The following ADK variants were observed in gnomAD, a reference collection of about 807,000 sequenced individuals.
ADK encodes adenosine kinase.
A neutral mutation model predicts 44.7 loss-of-function variants in ADK; 24 were observed. The ratio of observed to expected loss-of-function variants is 0.54; its 90% CI spans 0.39 to 0.76. The LOEUF (loss-of-function observed/expected upper bound fraction) is 0.76. Ranked by LOEUF, ADK falls within the 30% of genes least tolerant of loss-of-function variation. The pLI is 0.00. For synonymous variants in ADK, 128 were observed against 142.6 expected (o/e 0.90, Z 0.73); for missense variants, 321 against 425.1 (o/e 0.76, Z 2.15).
intron 7 of ADK, chr10:74,528,017 A>C: frequency 1.2e-6 from 1 of 847,082 alleles, no homozygotes; most frequent in South Asian, 1.4e-5. Context: ...CGATTGAGGG[A>C]ATTTGTATTC....
chr10:74,561,981 C>G (rs1165615837), intron 7 of ADK, among the ~76,000 whole-genome samples: 1 of 152,216 alleles, frequency 6.6e-6, no homozygotes, highest in African/African-American at 2.4e-5. Context: ...AGATTGTATT[C>G]TTAACTGTCT....
chr10:74,636,592 A>G (rs1853628638), intron 9 of ADK, among the ~76,000 whole-genome samples: 1 of 152,242 alleles, frequency 6.6e-6, no homozygotes. Context: ...TGTTCTATGT[A>G]CTTGGTAAAG....
intron 6 of ADK, among the ~76,000 whole-genome samples, chr10:74,488,791 A>G (rs1406809985): frequency 1.3e-5 from 2 of 151,854 alleles, no homozygotes; most frequent in African/African-American, 2.4e-5. Context: ...CAACAGCTAT[A>G]TATTGAACAT....
intron 4 of ADK, among the ~76,000 whole-genome samples, chr10:74,367,614 T>C (rs1411717324): frequency 6.6e-6 from 1 of 152,236 alleles, no homozygotes; most frequent in Non-Finnish European, 1.5e-5. Context: ...TTGCAGTCAT[T>C]TGTAAACATA....
intron 1 of ADK, among the ~76,000 whole-genome samples, chr10:74,154,068 C>T (rs1215022212): frequency 1.3e-5 from 2 of 152,060 alleles, no homozygotes; most frequent in Admixed American, 1.3e-4. Flanking sequence ...TCATCTGTGA[C>T]TGTAGGGTAT....
At chr10:74,249,393 G>GT (rs1845558853) in intron 3 of ADK, among the ~76,000 whole-genome samples, 1 of 152,064 alleles carries the variant, frequency 6.6e-6, no homozygotes, top group Admixed American at 6.6e-5. Context: ...GTGTGTCACT[G>GT]TGTCTATGCT....
chr10:74,160,126 G>A (rs1172365590), intron 1 of ADK, among the ~76,000 whole-genome samples: 1 of 152,164 alleles, frequency 6.6e-6, no homozygotes, highest in Non-Finnish European at 1.5e-5. Context: ...GTTGAGGTAG[G>A]AGGTGGGGCT....
At chr10:74,631,505 G>T (rs932446182) in intron 9 of ADK, among the ~76,000 whole-genome samples, 2 of 151,172 alleles carry the variant, frequency 1.3e-5, no homozygotes, top group Non-Finnish European at 2.9e-5. Context: ...TGATCCACCC[G>T]CCTCAGCCTC....
chr10:74,476,137 T>G (rs1846827535), intron 6 of ADK, among the ~76,000 whole-genome samples: 2 of 152,192 alleles, frequency 1.3e-5, no homozygotes, highest in Admixed American at 1.3e-4. Context: ...GTGAGAAAGC[T>G]GGCTCTGATT....
Position 74,417,753 on chromosome 10 carries a change from A to AG in ADK, c.555+19174_555+19175insG, listed in dbSNP as rs1472028791. On this transcript the variant is annotated intron_variant, in intron 6 of 10. Coordinates refer to ENST00000539909, the MANE Select transcript of ADK (RefSeq NM_006721.4). ...GAGAATCTCAGTAAATCTACTTTAA[A>AG]AAAAAAAAAAGCAAAATATCTGTTT... is the stretch of plus-strand genomic sequence containing the variant. 9.2e-5 allele frequency among the ~76,000 whole-genome samples: 14 copies of AG among 151,754 alleles called. No homozygotes were observed. The East Asian group carries it at 2.7e-3, about 29-fold the overall frequency.
intron 6 of ADK, among the ~76,000 whole-genome samples, chr10:74,412,658 G>A (rs544567726): frequency 7.9e-5 from 12 of 152,194 alleles, no homozygotes; most frequent in East Asian, 5.8e-4. Context: ...CTTCTTATAC[G>A]TCTCCATCAG....
intron 6 of ADK, among the ~76,000 whole-genome samples, chr10:74,438,231 T>C (rs954006706): frequency 6.9e-6 from 1 of 145,538 alleles, no homozygotes; most frequent in African/African-American, 2.8e-5. Flanking sequence ...CCTCTCTCTC[T>C]CTTTTTTTTT....
chr10:74,541,859 T>C (rs1210828571), intron 7 of ADK, among the ~76,000 whole-genome samples: 2 of 144,686 alleles, frequency 1.4e-5, no homozygotes, highest in Non-Finnish European at 1.5e-5. Flanking sequence ...TCATGCGTTA[T>C]ACTAAGATTT....
intron 6 of ADK, among the ~76,000 whole-genome samples, chr10:74,403,494 G>C (rs114567583): frequency 6.6e-6 from 1 of 152,000 alleles, no homozygotes; most frequent in Non-Finnish European, 1.5e-5. Flanking sequence ...ATCTGATAGC[G>C]GACTGCTGTG....
At chr10:74,246,144 C>G (rs1304150413) in intron 3 of ADK, among the ~76,000 whole-genome samples, 1 of 152,030 alleles carries the variant, frequency 6.6e-6, no homozygotes, top group Non-Finnish European at 1.5e-5. Flanking sequence ...GTCCTTAAGA[C>G]CTTGACAGAA....
intron 3 of ADK, among the ~76,000 whole-genome samples, chr10:74,265,127 A>T (rs1237491959): frequency 6.6e-6 from 1 of 152,156 alleles, no homozygotes; most frequent in East Asian, 1.9e-4. Context: ...AAATGAAAAT[A>T]ACAGTGATAA....
rs182819740 is a variant in ADK at position 74,461,376 on chromosome 10, G to A, written c.555+62797G>A. The stretch of plus-strand genomic sequence containing the variant: ...TACTGTTATAATTGTCAGAACAAAG[G>A]GTTTGATTATTTTGGCAAGGAAAAA... On this transcript the variant is annotated intron_variant, in intron 6 of 10. Coordinates refer to ENST00000539909, the MANE Select transcript of ADK (RefSeq NM_006721.4). 1.7e-3 allele frequency among the ~76,000 whole-genome samples: 263 copies of A among 152,028 alleles called. 1 individual carries two copies. Among genetic ancestry groups the A allele is most frequent in the African/African-American group, 5.7e-3 (238 of 41,506 alleles).
chr10:74,658,625 C>T (rs2134160331), intron 9 of ADK, among the ~76,000 whole-genome samples: 1 of 151,916 alleles, frequency 6.6e-6, no homozygotes, highest in Middle Eastern at 3.4e-3. Context: ...TTTGTAGAGA[C>T]AGCTTGTTGT....
intron 6 of ADK, among the ~76,000 whole-genome samples, chr10:74,401,869 T>C (rs1843726407): frequency 6.6e-6 from 1 of 152,214 alleles, no homozygotes; most frequent in Admixed American, 6.5e-5. Flanking sequence ...GTTTTTGCAG[T>C]GGCTGGTACC....
Sources: allele counts gnomAD v4.1 joint callset (sites outside exome capture counted in the v4.1 genomes callset), GRCh38; gene constraint gnomAD v4.1.1; transcripts MANE v1.5; gene names NCBI Gene and HGNC (gene_info 2026-07-23, HGNC 2026-07-21).